The following IFT81 variants were observed in gnomAD, a reference collection of about 807,000 sequenced individuals.
IFT81 encodes the protein intraflagellar transport protein 81 homolog.
Under a neutral mutation model 102.6 loss-of-function variants are expected in IFT81, and 72 were observed. The observed-to-expected ratio is 0.70, with a 90% CI of 0.58 to 0.85. IFT81 has a LOEUF of 0.85. Ranked by LOEUF, IFT81 falls within the 40% of genes least tolerant of loss-of-function variation. The probability of loss-of-function intolerance (pLI) is 0.00; values close to 1 mark genes in which losing one functional copy is unlikely to be tolerated. For missense variants in IFT81, 723 were observed against 787.3 expected (o/e 0.92, Z 0.98); for synonymous variants, 237 against 242.7 (o/e 0.98, Z 0.22).
chr12:110,204,193 T>A lies in IFT81; in HGVS notation c.1644+243T>A, dbSNP rs1035442619. The A allele has an allele frequency of 1.6e-5, 6 of 377,024 alleles. No individual in the cohort carries two copies. In the Middle Eastern group the frequency reaches 2.9e-3, roughly 185 times the overall value. 23.4% of individuals were successfully genotyped at this position (377,024 alleles called of 1,614,324 possible). On this transcript the variant is annotated intron_variant, in intron 15 of 18. Transcript: ENST00000242591. ...TTTCACTACATCAATGTCAAAAGAT[T>A]CCCAAATCTTTATCATCATCTCCTA...
chr12:110,211,637 GT>G (rs201443393), intron 18 of IFT81, among the ~76,000 whole-genome samples: 13 of 149,570 alleles, frequency 8.7e-5, no homozygotes, highest in African/African-American at 2.2e-4. Context: ...AATTATTCTT[GT>G]TTTTTTTTAA....
chr12:110,217,998 C>T (rs777636239), intron 18 of IFT81, 46 bp from the exon 19 acceptor site: 9 of 1,360,986 alleles, frequency 6.6e-6, no homozygotes, highest in East Asian at 4.8e-5. Context: ...TAGAAATAAA[C>T]CCCTGTAACT....
intron 10 of IFT81, among the ~76,000 whole-genome samples, chr12:110,161,734 G>A (rs113769335): frequency 6.6e-6 from 1 of 152,038 alleles, no homozygotes; most frequent in Non-Finnish European, 1.5e-5. Flanking sequence ...GATTACAGAC[G>A]TGAGCCACTG....
At position 110,136,835 on chromosome 12, in the gene IFT81, A is replaced by G; in HGVS notation, c.756A>G (p.Gln252=). The change falls in exon 8 of 19, where the codon CAA becomes CAG. Residue 252 remains glutamine, a synonymous_variant. Coordinates refer to ENST00000242591, the MANE Select transcript of IFT81 (RefSeq NM_014055.4). The stretch of plus-strand genomic sequence containing the variant: ...AAAACCAGCTGAAAAGCATGCGCCA[A>G]GCTGCAGCAGATGCAAAGCCTGAAA... ...RVQNQLKSMR[Q]AAADAKPESL... 1 of 1,611,832 alleles carries G rather than the reference A, an allele frequency of 6.2e-7. No homozygotes were observed. The highest frequency in any genetic ancestry group is 8.5e-7 in the Non-Finnish European group (1 of 1,178,154).
chr12:110,191,451 G>A (rs537594731), intron 13 of IFT81, among the ~76,000 whole-genome samples: 22 of 152,210 alleles, frequency 1.4e-4, no homozygotes, highest in East Asian at 1.3e-3. Context: ...GATTACAGGC[G>A]TGAGCCACTA....
intron 11 of IFT81, among the ~76,000 whole-genome samples, chr12:110,177,606 A>C (rs989818970): frequency 1.3e-4 from 20 of 152,332 alleles, no homozygotes; most frequent in African/African-American, 4.6e-4. Flanking sequence ...GTTTAAGTCA[A>C]ATTTTAAAAG....
At chr12:110,176,709 A>G (rs1286923509) in intron 11 of IFT81, among the ~76,000 whole-genome samples, 4 of 152,212 alleles carry the variant, frequency 2.6e-5, no homozygotes, top group Admixed American at 2.6e-4. Context: ...ATGGCCACCT[A>G]TTGCTTAATC....
chr12:110,145,505 C>G (rs1895170627), intron 9 of IFT81, among the ~76,000 whole-genome samples: 1 of 147,170 alleles, frequency 6.8e-6, no homozygotes, highest in African/African-American at 2.5e-5. Flanking sequence ...GTGGCGTGAT[C>G]CCGGCTCACT....
At chr12:110,166,501 T>C (rs1048024393) in intron 11 of IFT81, among the ~76,000 whole-genome samples, 1 of 152,096 alleles carries the variant, frequency 6.6e-6, no homozygotes, top group African/African-American at 2.4e-5. Context: ...CAGAACTGTA[T>C]ACTTAAAAAT....
At chr12:110,195,678 C>T (rs1897969108) in intron 14 of IFT81, among the ~76,000 whole-genome samples, 1 of 152,162 alleles carries the variant, frequency 6.6e-6, no homozygotes, top group Admixed American at 6.5e-5. Context: ...TTATTAGATC[C>T]AGCGCTCATT....
chr12:110,151,548 A>G (rs1416515585), intron 10 of IFT81, among the ~76,000 whole-genome samples: 1 of 152,182 alleles, frequency 6.6e-6, no homozygotes, highest in Non-Finnish European at 1.5e-5. Flanking sequence ...CTAAATTGAC[A>G]AATACAAATT....
chr12:110,154,326 C>CA lies in IFT81; in HGVS notation c.1041+7292dup, dbSNP rs781002575. Among the ~76,000 whole-genome samples, 1,128 of 132,226 alleles carry CA rather than the reference C, an allele frequency of 8.5e-3. 2 individuals are homozygous for CA. Among genetic ancestry groups the CA allele is most frequent in the Non-Finnish European group, 0.011 (692 of 61,202 alleles). The allele number at this position is 132,226 out of a possible 152,430, so 86.7% of individuals were successfully genotyped here. ...CAGGCAACAGTGTGAGACACTATCT[C>CA]AAAAAAAAAAAAAAGTATTTTTGGC... On this transcript the variant is annotated intron_variant, in intron 10 of 18. Transcript: ENST00000242591.
intron 11 of IFT81, among the ~76,000 whole-genome samples, chr12:110,171,624 G>GT (rs756720511): frequency 1.3e-5 from 2 of 152,162 alleles, no homozygotes; most frequent in South Asian, 4.1e-4. Flanking sequence ...ATTTTTATGT[G>GT]TATTTATGTG....
intron 12 of IFT81, among the ~76,000 whole-genome samples, chr12:110,184,684 T>C (rs1897447497): frequency 6.6e-6 from 1 of 152,248 alleles, no homozygotes; most frequent in African/African-American, 2.4e-5. Context: ...CAAAGGAAGA[T>C]TGGGTAGAAA....
At chr12:110,125,601 G>A (rs1893785485) in intron 1 of IFT81, among the ~76,000 whole-genome samples, 1 of 152,096 alleles carries the variant, frequency 6.6e-6, no homozygotes, top group African/African-American at 2.4e-5. Flanking sequence ...CACCATGTTG[G>A]CCAGGCTGGC....
At chr12:110,150,253 C>T (rs1378477315) in intron 10 of IFT81, among the ~76,000 whole-genome samples, 1 of 152,036 alleles carries the variant, frequency 6.6e-6, no homozygotes, top group Non-Finnish European at 1.5e-5. Flanking sequence ...ATTACAGGCA[C>T]ATTCCACCAC....
intron 10 of IFT81, 103 bp from the exon 11 acceptor site, chr12:110,162,816 T>C (rs556373876): frequency 7.0e-5 from 70 of 993,552 alleles, no homozygotes; most frequent in Non-Finnish European, 9.6e-5. Flanking sequence ...CAAGCTGATA[T>C]TGAAAATATA....
chr12:110,177,498 G>A (rs1414475668), intron 11 of IFT81, among the ~76,000 whole-genome samples: 1 of 152,030 alleles, frequency 6.6e-6, no homozygotes, highest in Non-Finnish European at 1.5e-5. Flanking sequence ...TGGCCAGGCT[G>A]GTCTCAAACT....
intron 11 of IFT81, among the ~76,000 whole-genome samples, chr12:110,163,910 G>A (rs560573446): frequency 2.6e-5 from 4 of 151,740 alleles, no homozygotes; most frequent in East Asian, 3.9e-4. Flanking sequence ...CACTGCACCC[G>A]GCCCCAAATT....
Sources: gnomAD v4.1 joint callset for allele counts (sites outside exome capture counted in the v4.1 genomes callset) on GRCh38, gnomAD v4.1.1 for gene constraint, MANE v1.5 for transcripts, NCBI Gene and HGNC (gene_info 2026-07-23, HGNC 2026-07-21) for gene names.